The following ADGRV1 variants were observed in gnomAD, a reference collection of about 807,000 sequenced individuals.
ADGRV1 encodes the protein G-protein coupled receptor 98.
Under a neutral mutation model 596.2 loss-of-function variants are expected in ADGRV1, and 359 were observed. That is an observed-to-expected ratio of 0.60 (90% CI 0.55 to 0.66). The LOEUF (loss-of-function observed/expected upper bound fraction) is 0.66. ADGRV1 is among the 30% of genes least tolerant of loss of function. The pLI is 0.00. For missense variants in ADGRV1, 7,274 were observed against 7,575.6 expected (o/e 0.96, Z 1.48); for synonymous variants, 2,681 against 2,679.2 (o/e 1.00, Z -0.02).
At chr5:91,031,407 A>C in intron 85 of ADGRV1, 1 of 940,366 alleles carries the variant, frequency 1.1e-6, no homozygotes. Flanking sequence ...GGTCCCGAAA[A>C]CCTTCCTGTT....
intron 87 of ADGRV1, among the ~76,000 whole-genome samples, chr5:91,136,497 A>G (rs2367286): frequency 0.13 from 20,339 of 152,230 alleles, 1,518 homozygotes; most frequent in African/African-American, 0.19. Context: ...GGCCACCTCA[A>G]CTGGTAGGAA....
chr5:90,644,742 G>T lies in ADGRV1; in HGVS notation c.2771G>T (p.Gly924Val). Residue 924 changes from glycine to valine, a missense_variant, in exon 15 of 90, where the codon GGT (glycine) becomes GTT (valine). Around this residue, in one of 5 missense-constraint regions of ADGRV1, gnomAD observed 1,715 missense variants for 1,708.8 expected, o/e 1.00. Coordinates refer to ENST00000405460, the MANE Select transcript of ADGRV1 (RefSeq NM_032119.4). The stretch of plus-strand genomic sequence containing the variant: ...GTAGTAAGAAATCGAGGCAACTTTG[G>T]TGATGTTAGTGTATCATGGGTGGTT... ...YDVVRNRGNFGDVSVSWVVSP... is the reference protein window; with the variant it reads ...YDVVRNRGNFVDVSVSWVVSP... 6.2e-7 allele frequency: 1 copy of T among 1,610,994 alleles called. No individual in the cohort carries two copies. The highest frequency in any genetic ancestry group is 8.5e-7 in the Non-Finnish European group (1 of 1,179,116).
At chr5:90,780,160 G>A (rs1758688700) in intron 64 of ADGRV1, 1 of 152,162 alleles carries the variant, frequency 6.6e-6, no homozygotes, top group Non-Finnish European at 1.5e-5. Flanking sequence ...GCTAGAGCTT[G>A]AGGATTTTGT....
intron 14 of ADGRV1, 25 bp from the exon 15 acceptor site, chr5:90,644,681 T>G (rs767531839): frequency 6.3e-7 from 1 of 1,579,060 alleles, no homozygotes; most frequent in Non-Finnish European, 8.6e-7. Context: ...TCTTCATATG[T>G]ATTATGTATG....
intron 84 of ADGRV1, among the ~76,000 whole-genome samples, chr5:90,982,579 C>T (rs1780164807): frequency 6.6e-6 from 1 of 152,208 alleles, no homozygotes; most frequent in East Asian, 1.9e-4. Context: ...AACCTAAGAA[C>T]TGTAACTACA....
At chr5:90,689,823 T>C in intron 29 of ADGRV1, 38 bp from the exon 30 acceptor site, 1 of 1,420,722 alleles carries the variant, frequency 7.0e-7, no homozygotes, top group African/African-American at 1.4e-5. Context: ...TTTGATCATA[T>C]TTTAGAAGTC....
intron 11 of ADGRV1, among the ~76,000 whole-genome samples, 188 bp downstream of exon 11, chr5:90,638,136 T>C (rs893221662): frequency 1.3e-5 from 2 of 152,110 alleles, no homozygotes; most frequent in African/African-American, 4.8e-5. Context: ...AGTATAATTA[T>C]ATCTTTCAGT....
intron 83 of ADGRV1, among the ~76,000 whole-genome samples, chr5:90,917,206 T>C (rs1773463070): frequency 6.6e-6 from 1 of 152,196 alleles, no homozygotes; most frequent in Admixed American, 6.5e-5. Context: ...TATCGATTAC[T>C]AAACTCATTT....
intron 73 of ADGRV1, among the ~76,000 whole-genome samples, chr5:90,809,585 A>T (rs1581192821): frequency 6.6e-6 from 1 of 152,328 alleles, no homozygotes; most frequent in East Asian, 1.9e-4. Flanking sequence ...AAGGCATTTA[A>T]ATTTATATTA....
At chr5:90,824,022 T>C (rs1401944818) in intron 76 of ADGRV1, among the ~76,000 whole-genome samples, 1 of 152,206 alleles carries the variant, frequency 6.6e-6, no homozygotes, top group African/African-American at 2.4e-5. Flanking sequence ...ATATGCTAAC[T>C]CTTCTACACA....
At chr5:90,583,097 A>G (rs183282279) in intron 1 of ADGRV1, among the ~76,000 whole-genome samples, 105 of 152,294 alleles carry the variant, frequency 6.9e-4, no homozygotes, top group African/African-American at 2.5e-3. Flanking sequence ...ATTGTGTGGC[A>G]GTTTTATATA....
At position 90,629,761 on chromosome 5, in the gene ADGRV1, A is replaced by G. The variant is rs55918113; in HGVS notation, c.1839+222A>G. 70,193 of 385,168 alleles carry G rather than the reference A, an allele frequency of 0.18. 7,240 individuals are homozygous for G. Among genetic ancestry groups the G allele is most frequent in the East Asian group, 0.39 (9,221 of 23,636 alleles). 23.9% of individuals were successfully genotyped at this position (385,168 alleles called of 1,614,324 possible). On this transcript the variant is annotated intron_variant, in intron 9 of 89. Coordinates refer to ENST00000405460, the MANE Select transcript of ADGRV1 (RefSeq NM_032119.4). ...TTTACCAAAGTTAATATTTTAATTA[A>G]GTGACATTAAAAGTACACCAGACGT...
intron 9 of ADGRV1, among the ~76,000 whole-genome samples, chr5:90,633,707 G>A (rs1765788982): frequency 6.6e-6 from 1 of 151,778 alleles, no homozygotes; most frequent in Non-Finnish European, 1.5e-5. Context: ...TATCTACATT[G>A]TAAGGTAAAT....
chr5:90,596,660 C>G (rs1760682130), intron 1 of ADGRV1, among the ~76,000 whole-genome samples: 1 of 152,166 alleles, frequency 6.6e-6, no homozygotes, highest in Non-Finnish European at 1.5e-5. Context: ...CGTGGCGGCG[C>G]GCGCCTGCAA....
chr5:90,868,265 T>G (rs1376387480), intron 83 of ADGRV1, among the ~76,000 whole-genome samples: 1 of 152,174 alleles, frequency 6.6e-6, no homozygotes, highest in Non-Finnish European at 1.5e-5. Flanking sequence ...TAGTATGAAA[T>G]TTTATTTAAG....
intron 83 of ADGRV1, among the ~76,000 whole-genome samples, chr5:90,931,981 C>G (rs1775293062): frequency 6.6e-6 from 1 of 152,146 alleles, no homozygotes; most frequent in Non-Finnish European, 1.5e-5. Flanking sequence ...ATGAGGGACT[C>G]TAGCTTTAGA....
chr5:91,033,066 CTT>C (rs1327642572), intron 85 of ADGRV1, among the ~76,000 whole-genome samples: 1 of 152,086 alleles, frequency 6.6e-6, no homozygotes, highest in Admixed American at 6.6e-5. Context: ...TGCTAATAAA[CTT>C]TGAGTTATTT....
At chr5:91,156,328 G>A (rs1442814739) in intron 89 of ADGRV1, among the ~76,000 whole-genome samples, 2 of 152,126 alleles carry the variant, frequency 1.3e-5, no homozygotes, top group African/African-American at 2.4e-5. Flanking sequence ...TTTAAAGAGT[G>A]AATTAGAAGA....
intron 87 of ADGRV1, among the ~76,000 whole-genome samples, chr5:91,130,609 A>C (rs2126794181): frequency 6.6e-6 from 1 of 151,522 alleles, no homozygotes; most frequent in South Asian, 2.1e-4. Flanking sequence ...ACTGAAAAGG[A>C]ATCTGAATGA....
Sources: allele counts gnomAD v4.1 joint callset (sites outside exome capture counted in the v4.1 genomes callset), GRCh38; gene constraint gnomAD v4.1.1; regional missense constraint gnomAD v4.1.1; transcripts MANE v1.5; gene names NCBI Gene and HGNC (gene_info 2026-07-23, HGNC 2026-07-21).